The following KANSL1 variants were observed in gnomAD, a reference collection of about 807,000 sequenced individuals.
The protein encoded by KANSL1 is MLL1/MLL complex subunit KANSL1.
KANSL1 carries 22 observed loss-of-function variants against 103.6 expected under a neutral mutation model. The ratio of observed to expected loss-of-function variants is 0.21; its 90% CI spans 0.15 to 0.30. The LOEUF is 0.30. Ranked by LOEUF, KANSL1 falls within the 10% of genes least tolerant of loss-of-function variation. The pLI is 1.00. For missense variants in KANSL1, 1,337 were observed against 1,399.8 expected (o/e 0.96, Z 0.72); for synonymous variants, 600 against 527.6 (o/e 1.14, Z -1.88).
chr17:46,118,535 A>G (rs1044141243), intron 2 of KANSL1, among the ~76,000 whole-genome samples: 9 of 152,218 alleles, frequency 5.9e-5, no homozygotes, highest in African/African-American at 1.9e-4. Flanking sequence ...CCACCCCCAG[A>G]GTTTCCGACT....
At chr17:46,143,354 T>C (rs1425111545) in intron 2 of KANSL1, among the ~76,000 whole-genome samples, 1 of 151,952 alleles carries the variant, frequency 6.6e-6, no homozygotes, top group Non-Finnish European at 1.5e-5. Context: ...ATTAGCCAGG[T>C]GTGGTGGCAG....
chr17:46,126,933 AC>A (rs67011674), intron 2 of KANSL1, among the ~76,000 whole-genome samples: 21,567 of 151,930 alleles, frequency 0.14, 2,078 homozygotes, highest in Non-Finnish European at 0.22. Flanking sequence ...CCAAACTGTA[AC>A]CAGTAACATC....
intron 1 of KANSL1, among the ~76,000 whole-genome samples, chr17:46,185,123 G>A (rs1290837656): frequency 6.6e-6 from 1 of 152,138 alleles, no homozygotes; most frequent in Non-Finnish European, 1.5e-5. Context: ...CGCCACGCCT[G>A]GCCAACTATG....
At chr17:46,100,962 T>C (rs951709913) in intron 2 of KANSL1, among the ~76,000 whole-genome samples, 66 of 152,256 alleles carry the variant, frequency 4.3e-4, no homozygotes, top group Non-Finnish European at 4.7e-4. Context: ...GTAAAATGAC[T>C]GTTCACAGTG....
chr17:46,084,146 A>G (rs935136476), intron 3 of KANSL1, among the ~76,000 whole-genome samples: 5 of 113,092 alleles, frequency 4.4e-5, no homozygotes, highest in Admixed American at 1.9e-4. Context: ...TGGGAAGCTG[A>G]GGCGGGTGGA....
At chr17:46,066,234 C>T (rs1053794104) in intron 6 of KANSL1, among the ~76,000 whole-genome samples, 3 of 152,212 alleles carry the variant, frequency 2.0e-5, no homozygotes, top group Non-Finnish European at 4.4e-5. Flanking sequence ...GCACACTATT[C>T]TCCTTCAAAG....
Position 46,067,662 on chromosome 17 carries a change from C to T in KANSL1, c.1539G>A (p.Glu513=). The change falls in exon 5 of 15, where the codon GAG becomes GAA. Residue 513 remains glutamate (E), a synonymous_variant. Transcript: ENST00000432791. ...KTDHGTDKLI[E]SVSQPLENHG... Reference sequence around the variant, plus strand: ...GGTTTTCCAATGGCTGAGAAACAGACTCAATCTGATTAAGAAAAAGGAAAA... The same window carrying T: ...GGTTTTCCAATGGCTGAGAAACAGATTCAATCTGATTAAGAAAAAGGAAAA... 6.6e-7 allele frequency: 1 copy of T among 1,512,170 alleles called. No individual in the cohort carries two copies. Among genetic ancestry groups the T allele is most frequent in the East Asian group, 2.3e-5 (1 of 44,392 alleles). 93.7% of individuals were successfully genotyped at this position (1,512,170 alleles called of 1,614,324 possible).
At chr17:46,221,712 C>T (rs1341968678) in intron 1 of KANSL1, 9 of 150,860 alleles carry the variant, frequency 6.0e-5, no homozygotes, top group South Asian at 4.2e-4. Context: ...CCTGACAGAA[C>T]GACAGAGTTC....
Position 46,172,204 on chromosome 17 carries a change from G to T in KANSL1, c.-61C>A. On this transcript the variant is annotated 5_prime_UTR_variant, in exon 2 of 15. Coordinates refer to ENST00000432791, the MANE Select transcript of KANSL1 (RefSeq NM_015443.4). ...ATGCCGAGGCCGAGGCCAGCTCCACGGCCCCTTACTGCCTCCCCAGAGAAC... is the reference window on the plus strand; with the variant it reads ...ATGCCGAGGCCGAGGCCAGCTCCACTGCCCCTTACTGCCTCCCCAGAGAAC... 3 of 1,488,698 alleles carry T rather than the reference G, an allele frequency of 2.0e-6. No homozygotes were observed. Among genetic ancestry groups the T allele is most frequent in the Non-Finnish European group, 2.7e-6 (3 of 1,102,692 alleles). The allele number at this position is 1,488,698 out of a possible 1,614,324, so 92.2% of individuals were successfully genotyped here.
At chr17:46,080,139 G>A (rs996048699) in intron 4 of KANSL1, among the ~76,000 whole-genome samples, 10 of 151,640 alleles carry the variant, frequency 6.6e-5, no homozygotes, top group African/African-American at 2.4e-4. Context: ...TCAGAAATGA[G>A]AATAAAAAAA....
At chr17:46,155,407 C>T (rs2045367676) in intron 2 of KANSL1, among the ~76,000 whole-genome samples, 1 of 152,196 alleles carries the variant, frequency 6.6e-6, no homozygotes. Context: ...ATTCGCCCAC[C>T]TCGGCCTCCC....
At chr17:46,111,291 A>ACCTCC (rs1390317042) in intron 2 of KANSL1, among the ~76,000 whole-genome samples, 8 of 148,086 alleles carry the variant, frequency 5.4e-5, no homozygotes, top group Non-Finnish European at 9.2e-5. Context: ...GCTTACTGCA[A>ACCTCC]CCTCCGCCTC....
intron 1 of KANSL1, among the ~76,000 whole-genome samples, chr17:46,205,908 T>A (rs2047951955): frequency 6.6e-6 from 1 of 151,748 alleles, no homozygotes; most frequent in Non-Finnish European, 1.5e-5. Flanking sequence ...CAAGAACTCA[T>A]CTCTACAAAA....
intron 2 of KANSL1, among the ~76,000 whole-genome samples, chr17:46,134,688 T>C (rs1426865186): frequency 6.6e-6 from 1 of 150,408 alleles, no homozygotes; most frequent in Non-Finnish European, 1.5e-5. Flanking sequence ...AAAAAAAAAA[T>C]ACAAAAATTA....
At chr17:46,120,349 A>G (rs2043225125) in intron 2 of KANSL1, among the ~76,000 whole-genome samples, 1 of 152,232 alleles carries the variant, frequency 6.6e-6, no homozygotes, top group African/African-American at 2.4e-5. Flanking sequence ...CAGTGAAATG[A>G]AATAACTTCA....
intron 8 of KANSL1, 92 bp from the exon 9 acceptor site, chr17:46,039,307 A>C (rs2077243896): frequency 9.2e-6 from 11 of 1,189,842 alleles, no homozygotes; most frequent in Non-Finnish European, 1.3e-5. Flanking sequence ...CTCTAGGCCA[A>C]CGCCGTATAC....
chr17:46,096,644 A>T (rs888165356), intron 2 of KANSL1, among the ~76,000 whole-genome samples: 2 of 149,098 alleles, frequency 1.3e-5, no homozygotes, highest in Non-Finnish European at 3.0e-5. Flanking sequence ...TTTGAGACGG[A>T]GTCTTGCTCT....
At chr17:46,184,972 T>A (rs1429797251) in intron 1 of KANSL1, among the ~76,000 whole-genome samples, 1 of 151,954 alleles carries the variant, frequency 6.6e-6, no homozygotes, top group African/African-American at 2.4e-5. Context: ...CCTGAGTAGC[T>A]GGGATTACAG....
intron 2 of KANSL1, among the ~76,000 whole-genome samples, chr17:46,159,406 C>T (rs2045613397): frequency 6.6e-6 from 1 of 152,186 alleles, no homozygotes; most frequent in Admixed American, 6.5e-5. Flanking sequence ...GAAAAATAAC[C>T]TCTAGTTCAT....
Sources: gnomAD v4.1 joint callset for allele counts (sites outside exome capture counted in the v4.1 genomes callset) on GRCh38, gnomAD v4.1.1 for gene constraint, MANE v1.5 for transcripts, NCBI Gene and HGNC (gene_info 2026-07-23, HGNC 2026-07-21) for gene names.